SCNN1B: variants seen among roughly 807,000 people sequenced by gnomAD.
The protein encoded by SCNN1B is sodium channel epithelial 1 subunit beta, also known as epithelial sodium channel subunit beta.
SCNN1B carries 46 observed loss-of-function variants against 65.3 expected under a neutral mutation model. That is an observed-to-expected ratio of 0.70 (90% confidence interval 0.56 to 0.90). The LOEUF (loss-of-function observed/expected upper bound fraction) is 0.90. Ranked by LOEUF, SCNN1B falls within the 40% of genes least tolerant of loss-of-function variation. The probability of loss-of-function intolerance (pLI) is 0.00; values close to 1 mark genes in which losing one functional copy is unlikely to be tolerated. For synonymous variants in SCNN1B, 349 were observed against 330.6 expected, an observed-to-expected ratio of 1.06 and a Z score of -0.60; for missense variants, 751 against 830.5, an observed-to-expected ratio of 0.90 and a Z score of 1.18.
intron 1 of SCNN1B, among the ~76,000 whole-genome samples, chr16:23,334,774 C>T (rs755421479): frequency 3.7e-4 from 56 of 152,238 alleles, no homozygotes; most frequent in Non-Finnish European, 6.2e-4. Flanking sequence ...CACCAAAGCA[C>T]ACTTACTACA....
chr16:23,364,389 A>G (rs1427402254), intron 4 of SCNN1B, among the ~76,000 whole-genome samples: 1 of 152,168 alleles, frequency 6.6e-6, no homozygotes. Context: ...CACAAAGGAC[A>G]ACAGAGGCAA....
intron 1 of SCNN1B, among the ~76,000 whole-genome samples, chr16:23,282,178 A>G (rs1054764823): frequency 2.0e-5 from 3 of 152,222 alleles, no homozygotes; most frequent in African/African-American, 7.2e-5. Context: ...ACTACACACT[A>G]TATCCACGTA....
chr16:23,310,414 C>A (rs911666959), intron 1 of SCNN1B, among the ~76,000 whole-genome samples: 1 of 151,164 alleles, frequency 6.6e-6, no homozygotes, highest in Non-Finnish European at 1.5e-5. Context: ...AGCACAGTGA[C>A]TCATGCCTGT....
chr16:23,334,580 T>C (rs1961897729), intron 1 of SCNN1B, among the ~76,000 whole-genome samples: 1 of 152,232 alleles, frequency 6.6e-6, no homozygotes, highest in African/African-American at 2.4e-5. Flanking sequence ...TAGTCCTGCC[T>C]TAACCTGCAG....
intron 1 of SCNN1B, among the ~76,000 whole-genome samples, chr16:23,338,545 G>A (rs1961990113): frequency 1.3e-5 from 2 of 152,208 alleles, no homozygotes; most frequent in African/African-American, 4.8e-5. Context: ...GCGAAAATAA[G>A]TACAGGGGAT....
intron 2 of SCNN1B, among the ~76,000 whole-genome samples, chr16:23,288,080 C>G (rs971453385): frequency 6.6e-6 from 1 of 152,040 alleles, no homozygotes. Context: ...CACTTGAGCC[C>G]TGGTTGAGGC....
At chr16:23,287,593 CA>C in intron 2 of SCNN1B, among the ~76,000 whole-genome samples, 4 of 152,120 alleles carry the variant, frequency 2.6e-5, no homozygotes, top group Admixed American at 2.6e-4. Flanking sequence ...GCCATGATAG[CA>C]CGCACCTGTA....
chr16:23,308,292 G>A (rs1448266908), intron 1 of SCNN1B, among the ~76,000 whole-genome samples: 1 of 152,190 alleles, frequency 6.6e-6, no homozygotes, highest in Non-Finnish European at 1.5e-5. Context: ...AGAGGCTGAG[G>A]TGAGAGGATC....
rs1281354652 is a variant in SCNN1B at position 23,305,553 on chromosome 16, TA to T, written c.-9+3117del. ...TATATATTATATATATATATATATA[TA>T]TATATATATATATATATATATATTA... is the stretch of plus-strand genomic sequence containing the variant. On this transcript the variant is annotated intron_variant, in intron 1 of 12. Coordinates refer to ENST00000343070, the MANE Select transcript of SCNN1B (RefSeq NM_000336.3). Among the ~76,000 whole-genome samples the T allele has an allele frequency of 9.6e-5, 4 of 41,862 alleles. No homozygotes were observed. In the African/African-American group the frequency reaches 1.0e-3, roughly 10 times the overall value. 27.5% of individuals were successfully genotyped at this position (41,862 alleles called of 152,430 possible).
At chr16:23,358,447 C>A (rs1189462175) in intron 4 of SCNN1B, 1 of 152,052 alleles carries the variant, frequency 6.6e-6, no homozygotes, top group Non-Finnish European at 1.5e-5. Context: ...AGTTTCTTAG[C>A]CTTGCTGTGC....
At chr16:23,331,346 A>C (rs1039629960) in intron 1 of SCNN1B, among the ~76,000 whole-genome samples, 3 of 144,802 alleles carry the variant, frequency 2.1e-5, no homozygotes, top group African/African-American at 7.9e-5. Flanking sequence ...TTTTTTTGAG[A>C]CAGAGTCTCA....
intron 1 of SCNN1B, among the ~76,000 whole-genome samples, chr16:23,325,457 G>T (rs933656832): frequency 6.6e-6 from 1 of 151,484 alleles, no homozygotes; most frequent in Non-Finnish European, 1.5e-5. Flanking sequence ...AGTAGAGACG[G>T]GATTTCACCA....
At chr16:23,315,883 A>G (rs1439767412) in intron 1 of SCNN1B, among the ~76,000 whole-genome samples, 1 of 152,130 alleles carries the variant, frequency 6.6e-6, no homozygotes, top group Non-Finnish European at 1.5e-5. Context: ...CCTATCAAGT[A>G]GGTACATCCT....
rs567446070 is a variant in SCNN1B at position 23,380,705 on chromosome 16, C to T, written c.1827C>T (p.Ala609=). 13 of 1,612,520 alleles carry T rather than the reference C, an allele frequency of 8.1e-6. No individual in the cohort carries two copies. Among genetic ancestry groups the T allele is most frequent in the Middle Eastern group, 1.7e-4 (1 of 5,826 alleles). ...PNTGPYPSEQ[A]LPIPGTPPPN... ...CTGGGCCCTACCCCAGTGAGCAGGC[C>T]CTGCCCATCCCAGGCACCCCGCCCC... is the stretch of plus-strand genomic sequence containing the variant. The change falls in exon 13 of 13, where the codon GCC becomes GCT. Residue 609 remains alanine, a synonymous_variant. Transcript: ENST00000343070. The surrounding 1 kb of genome is among the most constrained non-coding windows in gnomAD (Gnocchi z 5.4).
At position 23,380,587 on chromosome 16, in the gene SCNN1B, G is replaced by A; in HGVS notation, c.1709G>A (p.Ser570Asn). Residue 570 changes from serine (S) to asparagine (N), a missense_variant, in exon 13 of 13, where the codon AGC becomes AAC. By Grantham distance (46) the Ser-to-Asn change is conservative (BLOSUM62 1). Coordinates refer to ENST00000343070, the MANE Select transcript of SCNN1B (RefSeq NM_000336.3). This position sits in a 1 kb window ranked among gnomAD's most constrained non-coding sequence, Gnocchi z 5.4. ...CTACGGCAGCGGCGAGCCCAAGCCAGCTACGCTGGCCCACCGCCCACCGTG... is the reference window on the plus strand; with the variant it reads ...CTACGGCAGCGGCGAGCCCAAGCCAACTACGCTGGCCCACCGCCCACCGTG... ...KSLRQRRAQA[S>N]YAGPPPTVAE... is the part of the protein sequence containing the mutation. The A allele has an allele frequency of 1.2e-6, 2 of 1,614,144 alleles. No individual in the cohort carries two copies. Among genetic ancestry groups the A allele is most frequent in the Non-Finnish European group, 1.7e-6 (2 of 1,180,010 alleles).
chr16:23,375,608 G>T, intron 7 of SCNN1B, 130 bp from the exon 8 acceptor site: 2 of 773,906 alleles, frequency 2.6e-6, no homozygotes, highest in South Asian at 1.4e-5. Context: ...TCTCAGCCCT[G>T]GAGCACCTCC....
At chr16:23,296,830 T>A (rs1961004129) in intron 2 of SCNN1B, among the ~76,000 whole-genome samples, 1 of 151,600 alleles carries the variant, frequency 6.6e-6, no homozygotes. Flanking sequence ...TGAAACCCCG[T>A]CTCTACTAAA....
chr16:23,302,048 G>A (rs1022014011), upstream of SCNN1B, among the ~76,000 whole-genome samples: 19 of 152,138 alleles, frequency 1.2e-4, no homozygotes, highest in African/African-American at 4.6e-4. Context: ...ACTCGGATGA[G>A]GGGTCTGTGG....
In SCNN1B at chr16:23,283,438, C is replaced by A. The variant is rs143525414; in HGVS notation, n.111-299C>A. On this transcript the variant is annotated intron_variant and non_coding_transcript_variant, in intron 1 of 3. Transcript: ENST00000569789. The stretch of plus-strand genomic sequence containing the variant: ...AAAATAAGAAGGACACTTACTTTAG[C>A]CTACAATTGGGCAAAATCATCTAAC... Among the ~76,000 whole-genome samples the A allele has an allele frequency of 2.5e-3, 386 of 152,266 alleles. 1 individual carries two copies. Among genetic ancestry groups the A allele is most frequent in the African/African-American group, 8.9e-3 (370 of 41,558 alleles).
Sources: gnomAD v4.1 joint callset for allele counts (sites outside exome capture counted in the v4.1 genomes callset) on GRCh38, gnomAD v4.1.1 for gene constraint, Gnocchi (gnomAD v3.1) non-coding constraint, MANE v1.5 for transcripts, NCBI Gene and HGNC (gene_info 2026-07-23, HGNC 2026-07-21) for gene names.